The following YAP1 variants were observed in gnomAD, a reference collection of about 807,000 sequenced individuals.
YAP1 encodes Yes1 associated transcriptional regulator.
YAP1 carries 5 observed loss-of-function variants against 56.9 expected under a neutral mutation model. That is an observed-to-expected ratio of 0.09 (90% confidence interval 0.05 to 0.18). The LOEUF (loss-of-function observed/expected upper bound fraction) is 0.18, where lower values mean the gene tolerates loss of function less well. Among genes scored for constraint, YAP1 ranks in the 10% least tolerant of loss-of-function variants. YAP1 has a pLI of 1.00. For missense variants in YAP1, 539 were observed against 651.8 expected (o/e 0.83, Z 1.88); for synonymous variants, 265 against 248.1 (o/e 1.07, Z -0.64).
intron 2 of YAP1, among the ~76,000 whole-genome samples, chr11:102,160,898 T>A (rs1946232387): frequency 6.6e-6 from 1 of 152,124 alleles, no homozygotes; most frequent in African/African-American, 2.4e-5. Flanking sequence ...AACACTTGTA[T>A]CCCTTCCTCT....
At chr11:102,127,516 G>T (rs1378568760) in intron 2 of YAP1, among the ~76,000 whole-genome samples, 6 of 152,238 alleles carry the variant, frequency 3.9e-5, no homozygotes, top group Admixed American at 3.9e-4. Flanking sequence ...GGGAACCTCT[G>T]CCTAGATTTC....
At chr11:102,171,960 C>T (rs1218195223) in intron 3 of YAP1, among the ~76,000 whole-genome samples, 1 of 151,980 alleles carries the variant, frequency 6.6e-6, no homozygotes, top group African/African-American at 2.4e-5. Flanking sequence ...GAGGCCGAGG[C>T]AGGTGGATCA....
intron 6 of YAP1, among the ~76,000 whole-genome samples, chr11:102,220,060 G>A (rs1460546164): frequency 6.6e-6 from 1 of 150,992 alleles, no homozygotes; most frequent in Non-Finnish European, 1.5e-5. Flanking sequence ...TAATGTAGAT[G>A]GAAAAGAAAT....
intron 4 of YAP1, 45 bp downstream of exon 4, chr11:102,186,176 A>T: frequency 1.9e-6 from 3 of 1,588,408 alleles, no homozygotes; most frequent in Non-Finnish European, 2.6e-6. Flanking sequence ...TTGGTTGCTA[A>T]TTTTTTTTGT....
chr11:102,119,561 A>C (rs1943522494), intron 2 of YAP1, among the ~76,000 whole-genome samples: 1 of 152,082 alleles, frequency 6.6e-6, no homozygotes, highest in Non-Finnish European at 1.5e-5. Context: ...ATTTAAAAAA[A>C]AATACCCTTT....
intron 2 of YAP1, among the ~76,000 whole-genome samples, chr11:102,128,736 A>G (rs1944190290): frequency 6.6e-6 from 1 of 152,224 alleles, no homozygotes; most frequent in Admixed American, 6.5e-5. Context: ...TTTTGTTCAG[A>G]AGGTTTGGAT....
intron 2 of YAP1, among the ~76,000 whole-genome samples, chr11:102,158,587 G>A (rs1591266923): frequency 6.6e-6 from 1 of 152,034 alleles, no homozygotes; most frequent in Admixed American, 6.6e-5. Context: ...GAATAGCAGG[G>A]GTATGAAAGA....
intron 3 of YAP1, among the ~76,000 whole-genome samples, chr11:102,177,886 G>A (rs2135469082): frequency 6.6e-6 from 1 of 152,202 alleles, no homozygotes; most frequent in South Asian, 2.1e-4. Context: ...TTTCATGAAA[G>A]TTCCAAGAAA....
intron 4 of YAP1, among the ~76,000 whole-genome samples, chr11:102,202,415 G>A (rs1435910504): frequency 1.3e-5 from 2 of 149,038 alleles, no homozygotes; most frequent in African/African-American, 2.5e-5. Context: ...TTCTGACCTC[G>A]TGATCCGCCT....
At chr11:102,139,078 T>A (rs1351808193) in intron 2 of YAP1, among the ~76,000 whole-genome samples, 1 of 151,936 alleles carries the variant, frequency 6.6e-6, no homozygotes, top group African/African-American at 2.4e-5. Flanking sequence ...CTTCATGAAA[T>A]TGAGTGATTA....
chr11:102,226,233 T>C (rs1451567521), intron 7 of YAP1, among the ~76,000 whole-genome samples: 1 of 152,066 alleles, frequency 6.6e-6, no homozygotes, highest in Non-Finnish European at 1.5e-5. Context: ...CAGAGGCAAA[T>C]GTGTGTTTTC....
At chr11:102,159,255 C>CCCAG (rs1946129083) in intron 2 of YAP1, among the ~76,000 whole-genome samples, 1 of 152,106 alleles carries the variant, frequency 6.6e-6, no homozygotes. Flanking sequence ...GTCCTCAAAG[C>CCCAG]CCAGCCAGCC....
intron 8 of YAP1, among the ~76,000 whole-genome samples, chr11:102,227,791 G>A (rs561964701): frequency 5.5e-4 from 84 of 152,166 alleles, no homozygotes; most frequent in African/African-American, 1.5e-3. Flanking sequence ...TGGATTGGCC[G>A]GGTGCAGTGG....
At chr11:102,189,859 A>G (rs943582809) in intron 4 of YAP1, among the ~76,000 whole-genome samples, 1 of 152,226 alleles carries the variant, frequency 6.6e-6, no homozygotes, top group Admixed American at 6.5e-5. Context: ...TCAGAGTTAA[A>G]TATTTGGCAT....
At chr11:102,149,764 C>T (rs1945519148) in intron 2 of YAP1, among the ~76,000 whole-genome samples, 1 of 152,110 alleles carries the variant, frequency 6.6e-6, no homozygotes, top group Non-Finnish European at 1.5e-5. Context: ...AATTTTCCTC[C>T]TCTTTCTTGT....
At chr11:102,187,227 ATAAAT>A (rs1417152645) in intron 4 of YAP1, among the ~76,000 whole-genome samples, 2 of 152,228 alleles carry the variant, frequency 1.3e-5, no homozygotes, top group African/African-American at 4.8e-5. Context: ...CTTTAAAAAA[ATAAAT>A]TCAAGTTTGC....
intron 2 of YAP1, among the ~76,000 whole-genome samples, chr11:102,116,748 A>C (rs746183216): frequency 2.9e-4 from 44 of 152,298 alleles, no homozygotes; most frequent in Non-Finnish European, 5.9e-4. Context: ...GAGTAGGATT[A>C]GTCTTACTAT....
At chr11:102,207,741 C>A (rs899639325) in intron 5 of YAP1, among the ~76,000 whole-genome samples, 3 of 152,164 alleles carry the variant, frequency 2.0e-5, no homozygotes, top group Non-Finnish European at 4.4e-5. Flanking sequence ...GAGACAGGCT[C>A]ACGTTGAAAC....
At chr11:102,198,619 C>T (rs1191093809) in intron 4 of YAP1, among the ~76,000 whole-genome samples, 1 of 152,086 alleles carries the variant, frequency 6.6e-6, no homozygotes, top group Non-Finnish European at 1.5e-5. Flanking sequence ...TATTTTCTAG[C>T]AGGTTTTTGG....
Sources: allele counts gnomAD v4.1 joint callset (sites outside exome capture counted in the v4.1 genomes callset), GRCh38; gene constraint gnomAD v4.1.1; transcripts MANE v1.5; gene names NCBI Gene and HGNC (gene_info 2026-07-23, HGNC 2026-07-21).